GRID1: variants seen among roughly 807,000 people sequenced by gnomAD.
The protein encoded by GRID1 is glutamate ionotropic receptor delta type subunit 1.
Under a neutral mutation model 98.0 loss-of-function variants are expected in GRID1, and 28 were observed. That is an observed-to-expected ratio of 0.29 (90% CI 0.21 to 0.39). The LOEUF (loss-of-function observed/expected upper bound fraction) is 0.39, where lower values mean the gene tolerates loss of function less well. GRID1 is among the 10% of genes least tolerant of loss of function. The probability of loss-of-function intolerance (pLI) is 1.00; values close to 1 mark genes in which losing one functional copy is unlikely to be tolerated. For missense variants in GRID1, 1,111 were observed against 1,340.5 expected, an observed-to-expected ratio of 0.83 and a Z score of 2.67; for synonymous variants, 553 against 538.5, an observed-to-expected ratio of 1.03 and a Z score of -0.37.
chr10:85,724,224 A>T (rs1841735272), intron 11 of GRID1, 128 bp downstream of exon 11: 2 of 648,308 alleles, frequency 3.1e-6, no homozygotes, highest in Admixed American at 2.9e-5. Context: ...TGACATTTGT[A>T]CTGTCCTAGA....
intron 4 of GRID1, among the ~76,000 whole-genome samples, chr10:86,061,469 C>G (rs1022477441): frequency 2.0e-5 from 3 of 152,212 alleles, no homozygotes; most frequent in African/African-American, 4.8e-5. Context: ...GCCCTGCCGT[C>G]TGGCTCGCCC....
rs1843943189 is a variant in GRID1, at chr10:86,080,054, C to T, written c.726+58765G>A. Among the ~76,000 whole-genome samples the T allele has an allele frequency of 2.0e-5, 3 of 152,100 alleles. No individual in the cohort carries two copies. The South Asian group carries it at 6.2e-4, about 31-fold the overall frequency. On this transcript the variant is annotated intron_variant, in intron 4 of 15. Transcript: ENST00000327946. ...AGGCTGTTAAGAAACGGAGTAAGGGCCTGGCACGGTGGCTCACGCCTGTAA... is the reference window on the plus strand; with the variant it reads ...AGGCTGTTAAGAAACGGAGTAAGGGTCTGGCACGGTGGCTCACGCCTGTAA...
At chr10:85,888,787 T>C (rs1841153847) in intron 5 of GRID1, among the ~76,000 whole-genome samples, 4 of 152,196 alleles carry the variant, frequency 2.6e-5, no homozygotes, top group Non-Finnish European at 4.4e-5. Context: ...TTCCTCCCTC[T>C]CTCTTTTTCT....
At chr10:86,064,958 C>G (rs558326289) in intron 4 of GRID1, among the ~76,000 whole-genome samples, 1 of 152,336 alleles carries the variant, frequency 6.6e-6, no homozygotes, top group African/African-American at 2.4e-5. Flanking sequence ...AATTGAGATT[C>G]CCATTCTTTC....
At chr10:85,728,893 C>T (rs375673676) in intron 9 of GRID1, among the ~76,000 whole-genome samples, 8 of 152,204 alleles carry the variant, frequency 5.3e-5, no homozygotes, top group South Asian at 2.1e-4. Context: ...AGAGAGGGGA[C>T]GTTTGGGCAC....
At chr10:86,253,758 C>A (rs1451279865) in intron 2 of GRID1, among the ~76,000 whole-genome samples, 1 of 152,202 alleles carries the variant, frequency 6.6e-6, no homozygotes, top group Non-Finnish European at 1.5e-5. Flanking sequence ...TCCGTGTTAG[C>A]CAGCTAGAAG....
At chr10:85,776,518 A>T (rs1842332883) in intron 8 of GRID1, among the ~76,000 whole-genome samples, 1 of 152,222 alleles carries the variant, frequency 6.6e-6, no homozygotes, top group Admixed American at 6.5e-5. Context: ...TCTCCAGGGA[A>T]GTGGCAAGAA....
intron 4 of GRID1, among the ~76,000 whole-genome samples, chr10:85,931,131 GTTA>G (rs1214514946): frequency 1.3e-5 from 2 of 152,090 alleles, no homozygotes; most frequent in Non-Finnish European, 2.9e-5. Flanking sequence ...CAGGCCTGGT[GTTA>G]CTCTTAAGCA....
At chr10:85,798,818 T>C (rs1414730009) in intron 8 of GRID1, among the ~76,000 whole-genome samples, 6 of 152,186 alleles carry the variant, frequency 3.9e-5, no homozygotes, top group African/African-American at 1.4e-4. Flanking sequence ...GTCTCTTCAC[T>C]GTTGATTGTT....
At chr10:85,701,420 C>T (rs992619109) in intron 12 of GRID1, among the ~76,000 whole-genome samples, 2 of 152,080 alleles carry the variant, frequency 1.3e-5, no homozygotes, top group Non-Finnish European at 2.9e-5. Context: ...AGTGGTTTCT[C>T]TTACTGTTGT....
At chr10:86,037,216 G>C (rs1843277662) in intron 4 of GRID1, among the ~76,000 whole-genome samples, 1 of 152,138 alleles carries the variant, frequency 6.6e-6, no homozygotes, top group Non-Finnish European at 1.5e-5. Flanking sequence ...GGGGAACCAA[G>C]GCTGTCAAGG....
rs560414450 is a variant in GRID1 at position 86,252,343 on chromosome 10, G to A, written c.236-45695C>T. Among the ~76,000 whole-genome samples, 3 of 152,302 alleles carry A rather than the reference G, an allele frequency of 2.0e-5. No individual in the cohort carries two copies. The South Asian group carries it at 6.2e-4, about 32-fold the overall frequency. ...GGCCTGGTCCAACATCACCTTCGTT[G>A]TGGGCCTCCTGGGACTCCCCAGGCA... is the stretch of plus-strand genomic sequence containing the variant. On this transcript the variant is annotated intron_variant, in intron 2 of 15. Coordinates refer to ENST00000327946, the MANE Select transcript of GRID1 (RefSeq NM_017551.3).
rs542698639 is a variant in GRID1, at chr10:86,147,234, C to T, written c.521-8210G>A. On this transcript the variant is annotated intron_variant, in intron 3 of 15. Transcript: ENST00000327946. ...TGGCAGGCCTGGCCCTGAGGTCCTC[C>T]AGAGTGACATCCCATCCCTCACCAC... 1.1e-4 allele frequency among the ~76,000 whole-genome samples: 17 copies of T among 152,332 alleles called. No homozygotes were observed. The East Asian group carries it at 2.9e-3, about 26-fold the overall frequency.
intron 3 of GRID1, among the ~76,000 whole-genome samples, chr10:86,162,856 C>T (rs559089648): frequency 5.0e-4 from 76 of 152,216 alleles, no homozygotes; most frequent in African/African-American, 1.6e-3. Flanking sequence ...TGGGCTCCTG[C>T]GAACAGAGTC....
intron 4 of GRID1, among the ~76,000 whole-genome samples, chr10:85,973,066 C>T (rs968034162): frequency 1.1e-4 from 17 of 152,166 alleles, no homozygotes; most frequent in Admixed American, 9.8e-4. Flanking sequence ...AAGGTGGCAC[C>T]ACGTGACTTT....
Position 86,251,378 on chromosome 10 carries a change from T to G in GRID1, c.236-44730A>C, listed in dbSNP as rs147477776. Among the ~76,000 whole-genome samples the G allele has an allele frequency of 5.3e-3, 788 of 147,460 alleles. 7 individuals are homozygous for G. Among genetic ancestry groups the G allele is most frequent in the African/African-American group, 0.018 (723 of 39,784 alleles). On this transcript the variant is annotated intron_variant, in intron 2 of 15. Transcript: ENST00000327946. ...AAAAAAAAAAAAAAAAAAAAAAAAT[T>G]GCATGTATTTTTATATGCAATATGA...
rs1200759959 is a variant in GRID1 at position 85,620,094 on chromosome 10, G to T, written c.2194-61C>A. On this transcript the variant is annotated intron_variant, in intron 13 of 15. Transcript: ENST00000327946. Reference sequence around the variant, plus strand: ...CTGGCCAGCTGTGTCAGCTTTGATTGGTGAGCCATCTTGATGGTGGGATTT... The same window carrying T: ...CTGGCCAGCTGTGTCAGCTTTGATTTGTGAGCCATCTTGATGGTGGGATTT... The T allele has an allele frequency of 4.2e-6, 6 of 1,427,510 alleles. No individual in the cohort carries two copies. In the Admixed American group the frequency reaches 5.2e-5, roughly 12 times the overall value. The allele number at this position is 1,427,510 out of a possible 1,614,324, so 88.4% of individuals were successfully genotyped here. A position where few individuals can be genotyped will look rare whatever the true frequency, so the allele number is the denominator to read the frequency against.
intron 8 of GRID1, among the ~76,000 whole-genome samples, chr10:85,772,568 A>C (rs1315187660): frequency 1.3e-5 from 2 of 152,250 alleles, no homozygotes; most frequent in Non-Finnish European, 2.9e-5. Context: ...AAACTGATAG[A>C]CTGCTAGCAA....
intron 2 of GRID1, among the ~76,000 whole-genome samples, chr10:86,316,200 T>C (rs1192607244): frequency 6.6e-6 from 1 of 152,232 alleles, no homozygotes; most frequent in African/African-American, 2.4e-5. Context: ...TGCTGCACTC[T>C]GGGACATGCC....
Sources: allele counts gnomAD v4.1 joint callset (sites outside exome capture counted in the v4.1 genomes callset), GRCh38; gene constraint gnomAD v4.1.1; transcripts MANE v1.5; gene names NCBI Gene and HGNC (gene_info 2026-07-23, HGNC 2026-07-21).